DLGAP2: variants seen among roughly 807,000 people sequenced by gnomAD.
The protein encoded by DLGAP2 is disks large-associated protein 2.
DLGAP2 carries 26 observed loss-of-function variants against 100.3 expected under a neutral mutation model. That is an observed-to-expected ratio of 0.26 (90% confidence interval 0.19 to 0.36). The LOEUF is 0.36. Ranked by LOEUF, DLGAP2 falls within the 10% of genes least tolerant of loss-of-function variation. DLGAP2 has a pLI of 1.00. For missense variants in DLGAP2, 1,858 were observed against 1,453.2 expected (o/e 1.28, Z -4.53); for synonymous variants, 886 against 630.1 (o/e 1.41, Z -6.08).
intron 4 of DLGAP2, among the ~76,000 whole-genome samples, chr8:1,527,388 T>C (rs1800830482): frequency 6.6e-6 from 1 of 152,196 alleles, no homozygotes; most frequent in Non-Finnish European, 1.5e-5. Context: ...ACAGGCAAGC[T>C]CCCGCTTCTC....
intron 12 of DLGAP2, among the ~76,000 whole-genome samples, chr8:1,683,516 T>C (rs966751276): frequency 6.6e-6 from 1 of 151,316 alleles, no homozygotes; most frequent in African/African-American, 2.4e-5. Flanking sequence ...TCCGCACCTC[T>C]GCTGTCATTT....
rs1799626824 is a variant in DLGAP2, at chr8:1,703,418, CTTCTTCCT to C, written c.*2013_*2020del. The C allele has an allele frequency of 6.6e-6, 1 of 152,582 alleles. No homozygotes were observed. Among genetic ancestry groups the C allele is most frequent in the Non-Finnish European group, 1.5e-5 (1 of 68,040 alleles). The allele number at this position is 152,582 out of a possible 1,614,324, so 9.5% of individuals were successfully genotyped here. A position where few individuals can be genotyped will look rare whatever the true frequency, so the allele number is the denominator to read the frequency against. ...TCTTGAGTAGTGTACGGTAATGACG[CTTCTTCCT>C]ATATCCACTCTTATTATGTTAAAAC... On this transcript the variant is annotated 3_prime_UTR_variant, in exon 15 of 15. Transcript: ENST00000637795.
intron 2 of DLGAP2, among the ~76,000 whole-genome samples, chr8:1,129,687 C>G (rs763791797): frequency 6.6e-6 from 1 of 152,098 alleles, no homozygotes; most frequent in African/African-American, 2.4e-5. Flanking sequence ...GGATACAGTT[C>G]GAGTTGGTGC....
chr8:1,219,287 G>A (rs1233011797), intron 2 of DLGAP2, among the ~76,000 whole-genome samples: 1 of 152,110 alleles, frequency 6.6e-6, no homozygotes, highest in Non-Finnish European at 1.5e-5. Flanking sequence ...TTTGAGATAA[G>A]TTCCTCTGAT....
chr8:1,371,166 T>G (rs1053878812), intron 3 of DLGAP2, among the ~76,000 whole-genome samples: 10 of 152,246 alleles, frequency 6.6e-5, no homozygotes, highest in Non-Finnish European at 1.5e-4. Flanking sequence ...AAGACACGTC[T>G]TTCTTTTGCC....
intron 3 of DLGAP2, among the ~76,000 whole-genome samples, chr8:1,282,344 G>A (rs1354686812): frequency 7.5e-6 from 1 of 132,538 alleles, no homozygotes; most frequent in African/African-American, 2.9e-5. Flanking sequence ...CCAGCGCCCT[G>A]AACCATCTGG....
intron 1 of DLGAP2, among the ~76,000 whole-genome samples, chr8:763,934 A>G (rs1563418600): frequency 6.6e-6 from 1 of 152,294 alleles, no homozygotes; most frequent in Admixed American, 6.5e-5. Context: ...AGTGAAACCA[A>G]TTGGTGTTTG....
At chr8:1,688,377 A>G (rs993145069) in intron 12 of DLGAP2, 4 of 152,254 alleles carry the variant, frequency 2.6e-5, no homozygotes, top group African/African-American at 9.7e-5. Flanking sequence ...AGACAGAAAC[A>G]ATGCCAAAGT....
In DLGAP2 at chr8:1,094,178, T is replaced by C. The variant is rs556949547; in HGVS notation, c.74-164673T>C. On this transcript the variant is annotated intron_variant, in intron 2 of 14. Transcript: ENST00000637795. ...CAGGGCCCATTTGGGAACAGAGCCC[T>C]GGGAGAGGCAGGGAACTGGGACTGG... Among the ~76,000 whole-genome samples, 20 of 152,278 alleles carry C rather than the reference T, an allele frequency of 1.3e-4. 1 individual carries two copies. The South Asian group carries it at 1.9e-3, about 14-fold the overall frequency.
chr8:928,917 C>G (rs904723159), intron 2 of DLGAP2, among the ~76,000 whole-genome samples: 2 of 151,698 alleles, frequency 1.3e-5, no homozygotes, highest in African/African-American at 2.4e-5. Context: ...GCTTTTCAGG[C>G]AGTTTTGGCT....
chr8:863,570 C>T (rs1241788261), intron 1 of DLGAP2, among the ~76,000 whole-genome samples: 2 of 152,170 alleles, frequency 1.3e-5, no homozygotes, highest in South Asian at 4.1e-4. Context: ...TGTGGGTTTT[C>T]TCTTCACTCT....
At chr8:1,668,801 G>C (rs1563052539) in intron 9 of DLGAP2, 123 bp downstream of exon 9, 1 of 945,358 alleles carries the variant, frequency 1.1e-6, no homozygotes, top group East Asian at 2.7e-5. Flanking sequence ...CAGCAGGGCT[G>C]TGGAATCTGA....
chr8:1,571,605 C>A (rs1802688146), intron 6 of DLGAP2, among the ~76,000 whole-genome samples: 1 of 80,732 alleles, frequency 1.2e-5, no homozygotes, highest in African/African-American at 5.1e-5. Context: ...GGGGCATCTT[C>A]TGGGACGGAG....
At chr8:1,416,626 A>G (rs79348743) in intron 3 of DLGAP2, among the ~76,000 whole-genome samples, 1,900 of 152,186 alleles carry the variant, frequency 0.012, 52 homozygotes, top group African/African-American at 0.043. Context: ...TGTCACCTCA[A>G]CATAGAAATA....
At chr8:1,142,674 C>T (rs1327974634) in intron 2 of DLGAP2, among the ~76,000 whole-genome samples, 2 of 151,950 alleles carry the variant, frequency 1.3e-5, no homozygotes, top group Non-Finnish European at 2.9e-5. Flanking sequence ...GTTCCGTTGG[C>T]CGTTGGAACG....
At chr8:1,159,563 G>A (rs923287603) in intron 2 of DLGAP2, among the ~76,000 whole-genome samples, 8 of 119,920 alleles carry the variant, frequency 6.7e-5, no homozygotes, top group African/African-American at 2.6e-4. Flanking sequence ...AACAACTCAC[G>A]AAGCAGCACA....
intron 1 of DLGAP2, among the ~76,000 whole-genome samples, chr8:849,112 A>T (rs543422748): frequency 6.6e-6 from 1 of 150,596 alleles, no homozygotes; most frequent in Non-Finnish European, 1.5e-5. Flanking sequence ...AGGAATGTGC[A>T]GTGTCTGTTC....
chr8:829,349 C>CA (rs1264677706), intron 1 of DLGAP2, among the ~76,000 whole-genome samples: 2 of 152,182 alleles, frequency 1.3e-5, no homozygotes, highest in South Asian at 4.1e-4. Flanking sequence ...TTTCATCACC[C>CA]ATGAAGGTGA....
chr8:1,316,058 C>A, intron 3 of DLGAP2, among the ~76,000 whole-genome samples: 1 of 135,566 alleles, frequency 7.4e-6, no homozygotes, highest in South Asian at 2.6e-4. Context: ...AAAAATAGAG[C>A]GTGTGTGAGT....
Sources: gnomAD v4.1 joint callset for allele counts (sites outside exome capture counted in the v4.1 genomes callset) on GRCh38, gnomAD v4.1.1 for gene constraint, MANE v1.5 for transcripts, NCBI Gene and HGNC (gene_info 2026-07-23, HGNC 2026-07-21) for gene names.